Variants in TDRP observed in about 807,000 individuals in gnomAD.
TDRP encodes the protein testis development-related protein.
Under a neutral mutation model 10.5 loss-of-function variants are expected in TDRP, and 12 were observed. The ratio of observed to expected loss-of-function variants is 1.15; its 90% CI spans 0.73 to 1.86. The LOEUF is 1.86. Among genes scored for constraint, TDRP ranks in the 40% most tolerant of loss-of-function variants. TDRP has a pLI of 0.00. For synonymous variants in TDRP, 139 were observed against 95.4 expected (o/e 1.46, Z -2.67); for missense variants, 353 against 229.2 (o/e 1.54, Z -3.49).
At chr8:518,547 A>G (rs1801815212) in intron 1 of TDRP, among the ~76,000 whole-genome samples, 1 of 152,206 alleles carries the variant, frequency 6.6e-6, no homozygotes, top group Non-Finnish European at 1.5e-5. Context: ...GCATGACAAA[A>G]AAGGAAAAAG....
intron 1 of TDRP, among the ~76,000 whole-genome samples, chr8:544,150 G>C (rs958653021): frequency 7.2e-5 from 11 of 152,132 alleles, no homozygotes; most frequent in African/African-American, 2.4e-4. Flanking sequence ...ACTTAACATT[G>C]AGCTACGGTC....
At chr8:545,640 G>C (rs911252498), upstream of TDRP, 1 of 152,134 alleles carries the variant, frequency 6.6e-6, no homozygotes, top group African/African-American at 2.4e-5. Context: ...ATCCCTCGGG[G>C]CCTGGGCGCC....
At chr8:513,042 C>A (rs981022324) in intron 1 of TDRP, among the ~76,000 whole-genome samples, 1 of 151,484 alleles carries the variant, frequency 6.6e-6, no homozygotes, top group Non-Finnish European at 1.5e-5. Context: ...AAAGCTCAGG[C>A]CCAGATATGT....
intron 2 of TDRP, 71 bp downstream of exon 2, chr8:494,423 T>G: frequency 6.7e-7 from 1 of 1,485,450 alleles, no homozygotes; most frequent in East Asian, 2.3e-5. Context: ...CCATCAAATC[T>G]TCATTTCCAC....
rs1331744893 is a variant in TDRP at position 491,583 on chromosome 8, T to C, written c.*816A>G. 3.3e-6 allele frequency: 5 copies of C among 1,503,564 alleles called. No homozygotes were observed. In the East Asian group the frequency reaches 1.0e-4, roughly 30 times the overall value. 93.1% of individuals were successfully genotyped at this position (1,503,564 alleles called of 1,614,324 possible). ...AAAAAAGAGGCACTTCAGTATTTTATGCACAGTCTTAACTCTCTATAATGA... is the reference window on the plus strand; with the variant it reads ...AAAAAAGAGGCACTTCAGTATTTTACGCACAGTCTTAACTCTCTATAATGA... On this transcript the variant is annotated 3_prime_UTR_variant, in exon 3 of 3. Transcript: ENST00000324079.
At chr8:508,965 C>A (rs906993327) in intron 1 of TDRP, among the ~76,000 whole-genome samples, 1 of 152,222 alleles carries the variant, frequency 6.6e-6, no homozygotes, top group Non-Finnish European at 1.5e-5. Flanking sequence ...AAAGGGGCTA[C>A]AGGCCCCATG....
chr8:514,665 C>G (rs1801707478), intron 1 of TDRP, among the ~76,000 whole-genome samples: 1 of 152,172 alleles, frequency 6.6e-6, no homozygotes, highest in South Asian at 2.1e-4. Flanking sequence ...AGCTTGAAGC[C>G]CTCTCTCCAC....
rs759556093 is a variant in TDRP at position 491,607 on chromosome 8, G to T, written c.*792C>A. 3.3e-6 allele frequency: 5 copies of T among 1,530,338 alleles called. No individual in the cohort carries two copies. The South Asian group carries it at 6.1e-5, about 19-fold the overall frequency. 94.8% of individuals were successfully genotyped at this position (1,530,338 alleles called of 1,614,324 possible). A position where few individuals can be genotyped will look rare whatever the true frequency, so the allele number is the denominator to read the frequency against. The stretch of plus-strand genomic sequence containing the variant: ...ATGCACAGTCTTAACTCTCTATAAT[G>T]AGCAAGACAATGTTTCCTAAATGAA... On this transcript the variant is annotated 3_prime_UTR_variant, in exon 3 of 3. Coordinates refer to ENST00000324079, the MANE Select transcript of TDRP (RefSeq NM_001384899.1).
intron 1 of TDRP, among the ~76,000 whole-genome samples, chr8:496,974 T>G (rs1241850887): frequency 6.6e-6 from 1 of 152,242 alleles, no homozygotes; most frequent in Non-Finnish European, 1.5e-5. Flanking sequence ...TTCCTAGGCC[T>G]CCCCAGCCAT....
chr8:523,081 T>C (rs1203244854), intron 1 of TDRP, among the ~76,000 whole-genome samples: 1 of 152,204 alleles, frequency 6.6e-6, no homozygotes, highest in Non-Finnish European at 1.5e-5. Flanking sequence ...TTAAGTCTTG[T>C]AGTAATTTTG....
At chr8:528,272 G>C (rs1802089741) in intron 1 of TDRP, among the ~76,000 whole-genome samples, 1 of 152,138 alleles carries the variant, frequency 6.6e-6, no homozygotes, top group African/African-American at 2.4e-5. Flanking sequence ...ATGCTGGTGA[G>C]GATGTGGAGA....
intron 1 of TDRP, among the ~76,000 whole-genome samples, chr8:540,158 G>T (rs1028618525): frequency 2.6e-5 from 4 of 152,172 alleles, no homozygotes; most frequent in Admixed American, 6.5e-5. Context: ...ATAAAACTTT[G>T]AGGGCAGAGG....
intron 1 of TDRP, among the ~76,000 whole-genome samples, chr8:496,400 C>A (rs529570164): frequency 6.6e-6 from 1 of 152,336 alleles, no homozygotes; most frequent in South Asian, 2.1e-4. Context: ...CACTATGTGC[C>A]CAGCACTGTG....
intron 1 of TDRP, among the ~76,000 whole-genome samples, chr8:535,852 A>G: frequency 6.6e-6 from 1 of 151,396 alleles, no homozygotes; most frequent in Non-Finnish European, 1.5e-5. Context: ...GGCCCACCCG[A>G]GGCAGGTGTG....
chr8:516,882 G>A (rs1801770567), intron 1 of TDRP, among the ~76,000 whole-genome samples: 1 of 152,208 alleles, frequency 6.6e-6, no homozygotes, highest in Non-Finnish European at 1.5e-5. Flanking sequence ...GCAGGTGAAT[G>A]GATAAGCTGG....
At chr8:511,010 T>C (rs901429955) in intron 1 of TDRP, among the ~76,000 whole-genome samples, 1 of 152,022 alleles carries the variant, frequency 6.6e-6, no homozygotes, top group Non-Finnish European at 1.5e-5. Flanking sequence ...GATGGTAAGA[T>C]AATAAATGAA....
At chr8:530,672 A>T (rs887054161) in intron 1 of TDRP, among the ~76,000 whole-genome samples, 3 of 152,144 alleles carry the variant, frequency 2.0e-5, no homozygotes, top group African/African-American at 7.2e-5. Context: ...GTGGCACTGC[A>T]AGTTGTCTGG....
chr8:526,761 G>T (rs374789871), intron 1 of TDRP, among the ~76,000 whole-genome samples: 1 of 152,064 alleles, frequency 6.6e-6, no homozygotes, highest in Non-Finnish European at 1.5e-5. Context: ...CATACTGAAG[G>T]GAAAAATGAA....
At chr8:515,190 C>A (rs147425874) in intron 1 of TDRP, among the ~76,000 whole-genome samples, 3 of 152,178 alleles carry the variant, frequency 2.0e-5, no homozygotes, top group African/African-American at 4.8e-5. Context: ...TACAAGCACA[C>A]TGATAGGTTC....
Sources: allele counts gnomAD v4.1 joint callset (sites outside exome capture counted in the v4.1 genomes callset), GRCh38; gene constraint gnomAD v4.1.1; transcripts MANE v1.5; gene names NCBI Gene and HGNC (gene_info 2026-07-23, HGNC 2026-07-21).